The following DLG2 variants were observed in gnomAD, a reference collection of about 807,000 sequenced individuals.
The protein encoded by DLG2 is disks large homolog 2.
A neutral mutation model predicts 132.5 loss-of-function variants in DLG2; 45 were observed. The observed-to-expected ratio is 0.34, with a 90% CI of 0.27 to 0.44. The LOEUF (loss-of-function observed/expected upper bound fraction) is 0.44, where lower values mean the gene tolerates loss of function less well. Ranked by LOEUF, DLG2 falls within the 20% of genes least tolerant of loss-of-function variation. The probability of loss-of-function intolerance (pLI) is 1.00; values close to 1 mark genes in which losing one functional copy is unlikely to be tolerated. For missense variants in DLG2, 1,045 were observed against 1,196.9 expected, an observed-to-expected ratio of 0.87 and a Z score of 1.87; for synonymous variants, 424 against 419.6, an observed-to-expected ratio of 1.01 and a Z score of -0.13.
At chr11:84,218,398 G>GAGGAAGGAAGGAAGGA (rs35534884) in intron 8 of DLG2, among the ~76,000 whole-genome samples, 1 of 124,600 alleles carries the variant, frequency 8.0e-6, no homozygotes. Flanking sequence ...GGGAGGGAGG[G>GAGGAAGGAAGGAAGGA]AGGAAGGAAG....
chr11:84,721,733 G>A (rs1313547704), intron 6 of DLG2, among the ~76,000 whole-genome samples: 3 of 152,268 alleles, frequency 2.0e-5, no homozygotes, highest in South Asian at 2.1e-4. Context: ...CAAAACATCC[G>A]AGTTTGGAAA....
chr11:84,142,743 A>G (rs2094908002), intron 9 of DLG2, among the ~76,000 whole-genome samples: 1 of 152,096 alleles, frequency 6.6e-6, no homozygotes, highest in African/African-American at 2.4e-5. Flanking sequence ...TCAGAGCTCC[A>G]GGTTTTCAGA....
intron 7 of DLG2, among the ~76,000 whole-genome samples, chr11:84,276,641 A>AT (rs994029810): frequency 1.3e-5 from 2 of 152,100 alleles, no homozygotes; most frequent in Admixed American, 6.5e-5. Flanking sequence ...AATTGCTACC[A>AT]TTTTTTTTCC....
intron 6 of DLG2, among the ~76,000 whole-genome samples, chr11:84,582,381 T>C (rs887403033): frequency 1.3e-5 from 2 of 149,588 alleles, no homozygotes; most frequent in Admixed American, 6.7e-5. Context: ...TAGGACTATA[T>C]ATATATTTAG....
chr11:84,516,154 T>TA (rs2099272281), intron 7 of DLG2, among the ~76,000 whole-genome samples: 1 of 150,670 alleles, frequency 6.6e-6, no homozygotes, highest in Non-Finnish European at 1.5e-5. Flanking sequence ...ATAAATAACC[T>TA]AATACACCTC....
chr11:84,688,338 T>C (rs1227337266), intron 6 of DLG2, among the ~76,000 whole-genome samples: 1 of 152,154 alleles, frequency 6.6e-6, no homozygotes, highest in Admixed American at 6.5e-5. Context: ...AATAAATCAC[T>C]GTATTAAAAT....
At chr11:83,909,074 C>G (rs1565597523) in intron 15 of DLG2, among the ~76,000 whole-genome samples, 1 of 152,166 alleles carries the variant, frequency 6.6e-6, no homozygotes, top group Admixed American at 6.5e-5. Flanking sequence ...GCATCCTTGC[C>G]TCACTGAGTA....
chr11:83,779,898 T>C (rs569272370), intron 18 of DLG2, among the ~76,000 whole-genome samples: 130 of 152,308 alleles, frequency 8.5e-4, no homozygotes, highest in African/African-American at 2.9e-3. Context: ...ATGAAACTTA[T>C]GCTTCTATCT....
chr11:84,176,867 T>TTG (rs2095984508), intron 8 of DLG2, among the ~76,000 whole-genome samples: 1 of 139,876 alleles, frequency 7.1e-6, no homozygotes, highest in African/African-American at 2.6e-5. Flanking sequence ...GCTTGCTTGC[T>TTG]CTCTCTCTTT....
intron 15 of DLG2, among the ~76,000 whole-genome samples, chr11:83,881,939 A>C (rs894494249): frequency 2.0e-5 from 3 of 152,218 alleles, no homozygotes; most frequent in Non-Finnish European, 4.4e-5. Context: ...ATAGTTAAAA[A>C]TATTGCTGTC....
chr11:84,263,312 G>A (rs996661960), intron 7 of DLG2, among the ~76,000 whole-genome samples: 2 of 152,020 alleles, frequency 1.3e-5, no homozygotes, highest in African/African-American at 4.8e-5. Flanking sequence ...TAGGAGACAG[G>A]ACATTAAGAA....
chr11:83,908,694 C>CTGT (rs548875490), intron 15 of DLG2, among the ~76,000 whole-genome samples: 43 of 152,104 alleles, frequency 2.8e-4, no homozygotes, highest in African/African-American at 1.0e-3. Context: ...TTGCACATGA[C>CTGT]TGTTAGAGTA....
chr11:85,165,367 T>A (rs752401202), intron 4 of DLG2, among the ~76,000 whole-genome samples: 1 of 152,210 alleles, frequency 6.6e-6, no homozygotes, highest in Non-Finnish European at 1.5e-5. Context: ...GAAATCAGAA[T>A]GGAGTCATTC....
At chr11:84,871,582 T>C (rs1394522669) in intron 6 of DLG2, among the ~76,000 whole-genome samples, 2 of 152,156 alleles carry the variant, frequency 1.3e-5, no homozygotes, top group Non-Finnish European at 2.9e-5. Context: ...ATTAAAAGCA[T>C]ATGATTTTTT....
At chr11:83,567,285 T>C (rs1002140672) in intron 19 of DLG2, among the ~76,000 whole-genome samples, 4 of 152,206 alleles carry the variant, frequency 2.6e-5, no homozygotes, top group Non-Finnish European at 5.9e-5. Context: ...AAAGGCTTCA[T>C]GGACTTAAAA....
intron 8 of DLG2, among the ~76,000 whole-genome samples, chr11:84,195,312 C>T (rs574719495): frequency 2.2e-4 from 33 of 152,308 alleles, no homozygotes; most frequent in East Asian, 5.8e-4. Flanking sequence ...TACAGGCACA[C>T]GCCACCACGT....
At chr11:85,302,136 C>G (rs1032244011) in intron 3 of DLG2, among the ~76,000 whole-genome samples, 3 of 152,082 alleles carry the variant, frequency 2.0e-5, no homozygotes, top group African/African-American at 4.8e-5. Flanking sequence ...GAAGGCTGAC[C>G]GCACATTCTG....
chr11:83,987,089 C>A (rs2093374755), intron 11 of DLG2, among the ~76,000 whole-genome samples: 1 of 152,080 alleles, frequency 6.6e-6, no homozygotes, highest in Non-Finnish European at 1.5e-5. Flanking sequence ...TCAATTTTGG[C>A]TTTTGTTGCC....
intron 7 of DLG2, among the ~76,000 whole-genome samples, chr11:84,525,552 T>C (rs2099317822): frequency 6.6e-6 from 1 of 152,220 alleles, no homozygotes; most frequent in South Asian, 2.1e-4. Context: ...CATCAAAGCT[T>C]ATCTATCTTT....
Sources: gnomAD v4.1 joint callset for allele counts (sites outside exome capture counted in the v4.1 genomes callset) on GRCh38, gnomAD v4.1.1 for gene constraint, MANE v1.5 for transcripts, NCBI Gene and HGNC (gene_info 2026-07-23, HGNC 2026-07-21) for gene names.